XPNPEP3: variants seen among roughly 807,000 people sequenced by gnomAD.
The protein encoded by XPNPEP3 is X-prolyl aminopeptidase 3, also known as xaa-Pro aminopeptidase 3.
In XPNPEP3, 41 loss-of-function variants were observed where a neutral mutation model predicts 60.0. The ratio of observed to expected loss-of-function variants is 0.68; its 90% CI spans 0.53 to 0.89. The LOEUF is 0.89. Ranked by LOEUF, XPNPEP3 falls within the 40% of genes least tolerant of loss-of-function variation. The pLI is 0.00. For synonymous variants in XPNPEP3, 212 were observed against 223.2 expected (o/e 0.95, Z 0.45); for missense variants, 598 against 638.9 (o/e 0.94, Z 0.69).
intron 4 of XPNPEP3, among the ~76,000 whole-genome samples, chr22:40,894,108 A>G (rs1301237578): frequency 1.3e-5 from 2 of 152,108 alleles, no homozygotes; most frequent in African/African-American, 4.8e-5. Context: ...AGGAGTTAGA[A>G]GCTATAGTAG....
Position 40,862,461 on chromosome 22 carries a change from T to A in XPNPEP3, c.64+5216T>A, listed in dbSNP as rs1385483952. 1.0e-5 allele frequency: 10 copies of A among 986,426 alleles called. No homozygotes were observed. The Admixed American group carries it at 6.1e-4, about 61-fold the overall frequency. The allele number at this position is 986,426 out of a possible 1,614,324, so 61.1% of individuals were successfully genotyped here. On this transcript the variant is annotated intron_variant, in intron 1 of 9. Transcript: ENST00000357137. ...GGTTTAGAAAAATGAAGTACTGACT[T>A]ACGGGTGAAGAAAGTATTCAAACAG... is the stretch of plus-strand genomic sequence containing the variant.
intron 1 of XPNPEP3, among the ~76,000 whole-genome samples, chr22:40,865,030 A>G (rs2057971236): frequency 6.6e-6 from 1 of 152,222 alleles, no homozygotes; most frequent in South Asian, 2.1e-4. Context: ...GTGTAAAGTT[A>G]TAATACGAGC....
chr22:40,861,826 A>G (rs531491460), intron 1 of XPNPEP3: 2 of 1,611,996 alleles, frequency 1.2e-6, no homozygotes, highest in African/African-American at 2.7e-5. Context: ...TCATCATTTG[A>G]TAATACCTCG....
intron 9 of XPNPEP3, among the ~76,000 whole-genome samples, chr22:40,925,052 TG>T (rs2146282698): frequency 6.6e-6 from 1 of 152,328 alleles, no homozygotes; most frequent in South Asian, 2.1e-4. Context: ...CAGTTTGTAC[TG>T]GTCTCCCATT....
Position 40,926,271 on chromosome 22 carries a change from A to G in XPNPEP3, c.1360A>G (p.Ile454Val), listed in dbSNP as rs2058234217. 2 of 1,614,058 alleles carry G rather than the reference A, an allele frequency of 1.2e-6. No individual in the cohort carries two copies. Among genetic ancestry groups the G allele is most frequent in the Non-Finnish European group, 1.7e-6 (2 of 1,180,044 alleles). The change falls in exon 10 of 10, where the codon ATT (isoleucine) becomes GTT (valine). Residue 454 changes from isoleucine (I) to valine (V), a missense_variant and splice_region_variant. Transcript: ENST00000357137. ...PGMVITIEPG[I>V]YIPEDDKDAP... ...ATGTTCTTCTTTCTACTTCACAGGC[A>G]TTTATATTCCAGAGGATGACAAAGA...
intron 4 of XPNPEP3, among the ~76,000 whole-genome samples, chr22:40,891,479 C>T (rs2058088196): frequency 6.7e-6 from 1 of 149,688 alleles, no homozygotes; most frequent in Non-Finnish European, 1.5e-5. Flanking sequence ...ATGGTGAAAC[C>T]CCGTCTCTAC....
chr22:40,911,002 G>A lies in XPNPEP3; in HGVS notation c.969+1767G>A, dbSNP rs185059374. 5.5e-4 allele frequency among the ~76,000 whole-genome samples: 83 copies of A among 152,212 alleles called. 2 individuals are homozygous for A. Among genetic ancestry groups the A allele is most frequent in the Non-Finnish European group, 2.2e-4 (15 of 68,008 alleles). On this transcript the variant is annotated intron_variant, in intron 6 of 9. Transcript: ENST00000357137. ...CAGCCTGGTGACAGAGCGAGACTCC[G>A]TCTCAAAAAATAAATAACAAATAAA... is the stretch of plus-strand genomic sequence containing the variant.
intron 7 of XPNPEP3, among the ~76,000 whole-genome samples, chr22:40,921,120 G>A (rs9712929): frequency 1.3e-5 from 2 of 149,974 alleles, no homozygotes; most frequent in African/African-American, 4.9e-5. Flanking sequence ...GGTGTGGAGT[G>A]GACCTCCTCA....
intron 4 of XPNPEP3, among the ~76,000 whole-genome samples, chr22:40,895,278 A>G (rs1469255586): frequency 6.6e-6 from 1 of 151,814 alleles, no homozygotes; most frequent in African/African-American, 2.4e-5. Flanking sequence ...TTCTTTGGAC[A>G]TTGTCCATCT....
intron 1 of XPNPEP3, chr22:40,862,612 G>C (rs1014672655): frequency 3.0e-6 from 3 of 985,496 alleles, no homozygotes; most frequent in Non-Finnish European, 1.2e-6. Flanking sequence ...AGACAGCTCA[G>C]GCTGGGGGTG....
intron 9 of XPNPEP3, among the ~76,000 whole-genome samples, chr22:40,925,188 C>A (rs2058230595): frequency 6.6e-6 from 1 of 152,142 alleles, no homozygotes; most frequent in African/African-American, 2.4e-5. Flanking sequence ...AGCACCATCC[C>A]ACTCCTTAGT....
intron 1 of XPNPEP3, chr22:40,860,775 C>CAGCTACTCGG: frequency 1.4e-6 from 1 of 700,252 alleles, no homozygotes; most frequent in Non-Finnish European, 2.3e-6. Flanking sequence ...ACCAGCTTCC[C>CAGCTACTCGG]GAGTAGCTGG....
At chr22:40,896,144 G>C (rs1201649589) in intron 4 of XPNPEP3, among the ~76,000 whole-genome samples, 1 of 152,162 alleles carries the variant, frequency 6.6e-6, no homozygotes, top group African/African-American at 2.4e-5. Flanking sequence ...ATGACAGGCA[G>C]TTGTGGATCC....
intron 2 of XPNPEP3, among the ~76,000 whole-genome samples, chr22:40,879,841 CA>C (rs1437395956): frequency 6.6e-6 from 1 of 151,520 alleles, no homozygotes; most frequent in East Asian, 1.9e-4. Flanking sequence ...GACTCTTTCT[CA>C]AAAAATAGTA....
intron 4 of XPNPEP3, among the ~76,000 whole-genome samples, chr22:40,901,949 G>A (rs1167522128): frequency 6.6e-6 from 1 of 152,064 alleles, no homozygotes; most frequent in Non-Finnish European, 1.5e-5. Flanking sequence ...GCAAAACATT[G>A]TGAATGTACT....
Position 40,877,924 on chromosome 22 carries a change from T to C in XPNPEP3, c.182-3846T>C, listed in dbSNP as rs567740791. The stretch of plus-strand genomic sequence containing the variant: ...TCTTTTTTCTTGAGTAAATTTTTTG[T>C]TTCTGGGTACAGTGGCTCACGCCTG... On this transcript the variant is annotated intron_variant, in intron 2 of 9. Transcript: ENST00000357137. 5.5e-4 allele frequency among the ~76,000 whole-genome samples: 84 copies of C among 152,290 alleles called. 1 individual carries two copies. Among genetic ancestry groups the C allele is most frequent in the Non-Finnish European group, 1.0e-3 (68 of 68,018 alleles).
intron 1 of XPNPEP3, among the ~76,000 whole-genome samples, chr22:40,867,431 GAGAGA>G (rs1425329826): frequency 2.0e-5 from 3 of 152,108 alleles, no homozygotes; most frequent in Admixed American, 1.3e-4. Context: ...ATGTATTTGG[GAGAGA>G]AGAGTCTTAA....
intron 7 of XPNPEP3, among the ~76,000 whole-genome samples, chr22:40,920,836 A>G (rs1396253608): frequency 1.3e-5 from 2 of 152,102 alleles, no homozygotes; most frequent in African/African-American, 4.8e-5. Context: ...CTTGTTGCCC[A>G]GGCTGGAGTG....
At chr22:40,907,695 T>C (rs1353773665) in intron 5 of XPNPEP3, 46 bp downstream of exon 5, 2 of 1,580,304 alleles carry the variant, frequency 1.3e-6, no homozygotes, top group Non-Finnish European at 1.7e-6. Context: ...GAGGTGAATA[T>C]AATAATTTGA....
Sources: allele counts gnomAD v4.1 joint callset (sites outside exome capture counted in the v4.1 genomes callset), GRCh38; gene constraint gnomAD v4.1.1; transcripts MANE v1.5; gene names NCBI Gene and HGNC (gene_info 2026-07-23, HGNC 2026-07-21).